Variants in KIRREL1 observed in about 807,000 individuals in gnomAD.
KIRREL1 encodes kirre like nephrin family adhesion molecule 1.
Under a neutral mutation model 83.3 loss-of-function variants are expected in KIRREL1, and 25 were observed. The observed-to-expected ratio is 0.30, with a 90% CI of 0.22 to 0.42. The LOEUF (loss-of-function observed/expected upper bound fraction) is 0.42, where lower values mean the gene tolerates loss of function less well. KIRREL1 is among the 10% of genes least tolerant of loss of function. KIRREL1 has a pLI of 1.00. For missense variants in KIRREL1, 812 were observed against 1,032.3 expected (o/e 0.79, Z 2.92); for synonymous variants, 388 against 410.4 (o/e 0.95, Z 0.66).
intron 1 of KIRREL1, among the ~76,000 whole-genome samples, chr1:158,012,357 A>G (rs1272923237): frequency 3.3e-5 from 5 of 152,100 alleles, no homozygotes; most frequent in African/African-American, 1.2e-4. Flanking sequence ...AGGACCTGTC[A>G]CCTCCTACCC....
chr1:157,993,794 G>A (rs1659110539), intron 1 of KIRREL1, 66 bp downstream of exon 1: 1 of 1,134,130 alleles, frequency 8.8e-7, no homozygotes, highest in Non-Finnish European at 1.2e-6. Flanking sequence ...TGCTTCCCCG[G>A]TGGGAGAGTG....
intron 6 of KIRREL1, 56 bp from the exon 7 acceptor site, chr1:158,087,950 A>T: frequency 1.2e-6 from 2 of 1,610,816 alleles, no homozygotes; most frequent in Non-Finnish European, 1.7e-6. Context: ...GGTGTCATGG[A>T]TGTAGTTGAG....
At position 158,095,898 on chromosome 1, in the gene KIRREL1, A is replaced by C. The variant is rs1417232106; in HGVS notation, c.*778A>C. On this transcript the variant is annotated 3_prime_UTR_variant, in exon 15 of 15. Transcript: ENST00000359209. ...GCTAGGACCATGTCCTCATTGACCC[A>C]GATACTGCTGTGTGCTGCACAGCAG... 1 of 152,550 alleles carries C rather than the reference A, an allele frequency of 6.6e-6. No homozygotes were observed. The highest frequency in any genetic ancestry group is 1.5e-5 in the Non-Finnish European group (1 of 68,376). The allele number at this position is 152,550 out of a possible 1,614,324, so 9.4% of individuals were successfully genotyped here. A position where few individuals can be genotyped will look rare whatever the true frequency, so the allele number is the denominator to read the frequency against.
intron 4 of KIRREL1, among the ~76,000 whole-genome samples, chr1:158,084,928 T>C (rs1212295718): frequency 6.6e-6 from 1 of 152,168 alleles, no homozygotes; most frequent in Non-Finnish European, 1.5e-5. Context: ...TATTTCCAAC[T>C]CACAAAGGAG....
Position 157,994,325 on chromosome 1 carries a change from C to T in KIRREL1, c.52+597C>T, listed in dbSNP as rs561743321. 1.5e-3 allele frequency among the ~76,000 whole-genome samples: 233 copies of T among 151,786 alleles called. 2 individuals carry two copies. The highest frequency in any genetic ancestry group is 5.4e-3 in the African/African-American group (223 of 41,380). On this transcript the variant is annotated intron_variant, in intron 1 of 14. Transcript: ENST00000359209. The stretch of plus-strand genomic sequence containing the variant: ...CTCTAGTGGGGATTTGGAACCCCTG[C>T]CCACGGAGGCTCTGGGTGGAGAGTG...
chr1:158,007,908 C>T (rs1381237663), intron 1 of KIRREL1, among the ~76,000 whole-genome samples: 4 of 152,150 alleles, frequency 2.6e-5, no homozygotes, highest in Middle Eastern at 6.8e-3. Context: ...GAGTGAAGTG[C>T]GCCCTGCTCC....
chr1:158,092,655 C>A (rs59311843), intron 11 of KIRREL1, among the ~76,000 whole-genome samples: 6,569 of 152,204 alleles, frequency 0.043, 447 homozygotes, highest in African/African-American at 0.15. Flanking sequence ...CCTATCACTT[C>A]AGTCTTAACT....
rs746714837 is a variant in KIRREL1, at chr1:158,093,366, G to T, written c.1499G>T (p.Gly500Val). ...GTGTTACCTGTGGGCATCATAGCTG[G>T]GGCCACCATCGGCGCGAGCATCCTG... ...REVLPVGIIA[G>V]ATIGASILLI... Residue 500 changes from glycine to valine, a missense_variant, in exon 12 of 15, where the codon GGG becomes GTG. Physicochemically the swap from Gly to Val is moderately radical, Grantham distance 109 (BLOSUM62 -3). Transcript: ENST00000359209. 3.1e-6 allele frequency: 5 copies of T among 1,614,078 alleles called. No individual in the cohort carries two copies. The highest frequency in any genetic ancestry group is 4.2e-6 in the Non-Finnish European group (5 of 1,180,034).
chr1:158,054,523 C>T (rs1660999769), intron 1 of KIRREL1, among the ~76,000 whole-genome samples: 2 of 152,222 alleles, frequency 1.3e-5, no homozygotes, highest in South Asian at 4.2e-4. Flanking sequence ...GTTCTCCAAG[C>T]CCTGTCCCTG....
At chr1:158,063,223 C>T (rs539453946) in intron 1 of KIRREL1, among the ~76,000 whole-genome samples, 1 of 152,264 alleles carries the variant, frequency 6.6e-6, no homozygotes, top group South Asian at 2.1e-4. Flanking sequence ...TAGTAAGGGC[C>T]CAGAGCTATA....
intron 5 of KIRREL1, 103 bp downstream of exon 5, chr1:158,086,849 A>AGAGTCCCCCTG: frequency 2.7e-6 from 3 of 1,102,532 alleles, no homozygotes; most frequent in Non-Finnish European, 3.9e-6. Context: ...GAGTCCCCCT[A>AGAGTCCCCCTG]TGGTCCCCAG....
At chr1:158,018,203 C>T (rs1171436119) in intron 1 of KIRREL1, among the ~76,000 whole-genome samples, 1 of 152,150 alleles carries the variant, frequency 6.6e-6, no homozygotes, top group Non-Finnish European at 1.5e-5. Context: ...TAATTTCACC[C>T]TGGGTCAGAA....
At chr1:158,083,740 C>G (rs1345019247) in intron 3 of KIRREL1, among the ~76,000 whole-genome samples, 2 of 152,174 alleles carry the variant, frequency 1.3e-5, no homozygotes, top group Non-Finnish European at 2.9e-5. Flanking sequence ...GAGCCAGACT[C>G]CCAAGACTAT....
At position 158,099,620 on chromosome 1, in the gene KIRREL1, A is replaced by G. The variant is rs1406738204; in HGVS notation, c.*4500A>G. 1.3e-5 allele frequency: 2 copies of G among 152,204 alleles called. No individual in the cohort carries two copies. The highest frequency in any genetic ancestry group is 1.3e-4 in the Admixed American group (2 of 15,286). 9.4% of individuals were successfully genotyped at this position (152,204 alleles called of 1,614,324 possible). On this transcript the variant is annotated 3_prime_UTR_variant, in exon 15 of 15. Coordinates refer to ENST00000359209, the MANE Select transcript of KIRREL1 (RefSeq NM_018240.7). ...ACAGGCCATACTGGGCAGTTCTGGT[A>G]CAAACCTGCCCTTATTAATAATAAC...
At position 158,095,054 on chromosome 1, in the gene KIRREL1, C is replaced by A; in HGVS notation, c.2208C>A (p.Phe736Leu). 6.2e-7 allele frequency: 1 copy of A among 1,613,276 alleles called. No homozygotes were observed. Among genetic ancestry groups the A allele is most frequent in the Non-Finnish European group, 8.5e-7 (1 of 1,179,430 alleles). The change falls in exon 15 of 15, where the codon TTC becomes TTA. Residue 736 changes from phenylalanine to leucine, a missense_variant. Physicochemically the swap from Phe to Leu is conservative, Grantham distance 22 (BLOSUM62 0). This residue lies in a region of KIRREL1 where 334 missense variants were observed against 383.7 expected (regional missense o/e 0.87). Transcript: ENST00000359209. The part of the protein sequence containing the change: ...PIGKYATATR[F>L]SYTSQHSDYG... ...GCAAGTACGCCACAGCCACTCGATT[C>A]TCCTACACCTCCCAGCACTCGGACT... is the stretch of plus-strand genomic sequence containing the variant.
At chr1:158,005,312 T>A (rs1279546372) in intron 1 of KIRREL1, among the ~76,000 whole-genome samples, 2 of 152,190 alleles carry the variant, frequency 1.3e-5, no homozygotes, top group Non-Finnish European at 2.9e-5. Context: ...AGCATTGATA[T>A]GTTTGTTTTC....
intron 1 of KIRREL1, among the ~76,000 whole-genome samples, chr1:158,019,307 A>C (rs1029660766): frequency 3.3e-5 from 5 of 152,300 alleles, no homozygotes; most frequent in African/African-American, 1.2e-4. Flanking sequence ...GTGGAAAAAA[A>C]AGGCATTGAA....
At chr1:158,056,866 C>G (rs1333409716) in intron 1 of KIRREL1, among the ~76,000 whole-genome samples, 1 of 152,156 alleles carries the variant, frequency 6.6e-6, no homozygotes, top group Non-Finnish European at 1.5e-5. Flanking sequence ...GAACATGTGC[C>G]TACTCCTTGG....
intron 1 of KIRREL1, among the ~76,000 whole-genome samples, chr1:158,055,099 A>T (rs1487541307): frequency 6.6e-6 from 1 of 152,148 alleles, no homozygotes; most frequent in Non-Finnish European, 1.5e-5. Context: ...CCTGATTGAC[A>T]CTAAGCACCT....
Sources: gnomAD v4.1 joint callset for allele counts (sites outside exome capture counted in the v4.1 genomes callset) on GRCh38, gnomAD v4.1.1 for gene constraint, gnomAD v4.1.1 regional missense constraint, MANE v1.5 for transcripts, NCBI Gene and HGNC (gene_info 2026-07-23, HGNC 2026-07-21) for gene names.